ERMP1: variants seen among roughly 807,000 people sequenced by gnomAD.
The protein encoded by ERMP1 is endoplasmic reticulum metallopeptidase 1, also known as Felix-ina.
In ERMP1, 86 loss-of-function variants were observed where a neutral mutation model predicts 92.0. The ratio of observed to expected loss-of-function variants is 0.93; its 90% CI spans 0.79 to 1.12. ERMP1 has a LOEUF of 1.12. ERMP1 is among the 50% of genes most tolerant of loss of function. ERMP1 has a pLI of 0.00. For missense variants in ERMP1, 1,342 were observed against 1,116.3 expected (o/e 1.20, Z -2.88); for synonymous variants, 530 against 412.8 (o/e 1.28, Z -3.44).
chr9:5,798,736 G>T, intron 12 of ERMP1, 70 bp downstream of exon 12: 1 of 933,028 alleles, frequency 1.1e-6, no homozygotes, highest in Non-Finnish European at 1.7e-6. Context: ...CAGTTTAAAT[G>T]ATAAGAGTAC....
Position 5,860,349 on chromosome 9 carries a change from T to C in ERMP1, n.3056-738A>G, listed in dbSNP as rs929744618. ...ATTTATAACTGGGATAAATGCACTG[T>C]CAGTATTTTAGGGATGAAGTTTACT... On this transcript the variant is annotated intron_variant and non_coding_transcript_variant, in intron 5 of 6. Transcript: ENST00000690753. 5.3e-5 allele frequency among the ~76,000 whole-genome samples: 8 copies of C among 151,650 alleles called. 1 individual carries two copies. Among genetic ancestry groups the C allele is most frequent in the African/African-American group, 1.9e-4 (8 of 41,276 alleles).
intron 5 of ERMP1, among the ~76,000 whole-genome samples, chr9:5,863,882 T>C (rs151010367): frequency 6.6e-6 from 1 of 152,362 alleles, no homozygotes; most frequent in East Asian, 1.9e-4. Context: ...AATAAATATT[T>C]ACCTATATCA....
At chr9:5,847,793 G>T (rs950080031) in intron 6 of ERMP1, among the ~76,000 whole-genome samples, 1 of 151,852 alleles carries the variant, frequency 6.6e-6, no homozygotes, top group Non-Finnish European at 1.5e-5. Flanking sequence ...TACTCGGGAG[G>T]CTGAGGCAGG....
At chr9:5,823,558 G>A (rs1218932048) in intron 4 of ERMP1, among the ~76,000 whole-genome samples, 2 of 152,128 alleles carry the variant, frequency 1.3e-5, no homozygotes, top group Non-Finnish European at 2.9e-5. Flanking sequence ...TTAAACAACT[G>A]TGAAACCTTA....
At chr9:5,827,348 T>C (rs1008900849) in intron 2 of ERMP1, among the ~76,000 whole-genome samples, 7 of 152,026 alleles carry the variant, frequency 4.6e-5, no homozygotes, top group Non-Finnish European at 1.0e-4. Context: ...TAACAATCAC[T>C]GATGAGCTAA....
intron 6 of ERMP1, among the ~76,000 whole-genome samples, chr9:5,811,862 C>G (rs1252161723): frequency 1.3e-5 from 2 of 151,854 alleles, no homozygotes; most frequent in Non-Finnish European, 1.5e-5. Context: ...ACTAACAGAG[C>G]TACATTCTTA....
At chr9:5,851,104 C>A (rs12375947) in intron 6 of ERMP1, among the ~76,000 whole-genome samples, 11 of 152,194 alleles carry the variant, frequency 7.2e-5, no homozygotes, top group Non-Finnish European at 1.5e-4. Context: ...TTAGGCCCAA[C>A]ATCTCTATGC....
intron 6 of ERMP1, among the ~76,000 whole-genome samples, chr9:5,840,164 C>T (rs1372413268): frequency 6.6e-6 from 1 of 152,120 alleles, no homozygotes; most frequent in East Asian, 1.9e-4. Flanking sequence ...ATCACTCGAA[C>T]CTGGGAAGCT....
chr9:5,861,726 T>TTG lies in ERMP1; in HGVS notation n.3056-2116_3056-2115insCA, dbSNP rs1380597659. On this transcript the variant is annotated intron_variant and non_coding_transcript_variant, in intron 5 of 6. Transcript: ENST00000690753. ...AGAGAAGAGAGGAAGGGTTTTTTTT[T>TTG]TTTTTTTTTTTTTTTGGTCTGCCCA... 1.2e-3 allele frequency among the ~76,000 whole-genome samples: 176 copies of TTG among 143,820 alleles called. 1 individual carries two copies. Among genetic ancestry groups the TTG allele is most frequent in the South Asian group, 4.5e-3 (19 of 4,254 alleles). 94.4% of individuals were successfully genotyped at this position (143,820 alleles called of 152,430 possible). A position where few individuals can be genotyped will look rare whatever the true frequency, so the allele number is the denominator to read the frequency against.
intron 2 of ERMP1, among the ~76,000 whole-genome samples, chr9:5,828,557 C>T (rs745430377): frequency 6.6e-6 from 1 of 152,204 alleles, no homozygotes; most frequent in Non-Finnish European, 1.5e-5. Context: ...CCCCTCGAGA[C>T]TCAAGGTCCT....
chr9:5,820,185 G>C (rs1829476915), intron 4 of ERMP1, among the ~76,000 whole-genome samples: 1 of 152,230 alleles, frequency 6.6e-6, no homozygotes, highest in Non-Finnish European at 1.5e-5. Context: ...TGTAATCCCA[G>C]CTACATGGCA....
intron 6 of ERMP1, among the ~76,000 whole-genome samples, chr9:5,851,126 C>G (rs1326057733): frequency 3.9e-5 from 6 of 152,236 alleles, no homozygotes; most frequent in Non-Finnish European, 2.9e-5. Context: ...GTGCTGGTAT[C>G]AAGCAAAGCC....
chr9:5,814,356 T>C (rs568923627), intron 4 of ERMP1, among the ~76,000 whole-genome samples: 1 of 152,206 alleles, frequency 6.6e-6, no homozygotes. Context: ...ACATATTGAC[T>C]GATGTAAACA....
Position 5,832,915 on chromosome 9 carries a change from G to A in ERMP1, c.113C>T (p.Pro38Leu). ...PPEREARAQE[P>L]LVDGCSGGGR... ...GCCGCCGCTGCACCCATCCACCAGA[G>A]GCTCCTGCGCTCGGGCCTCCCTCTC... is the stretch of plus-strand genomic sequence containing the variant. The change falls in exon 1 of 15, where the codon CCT (proline) becomes CTT (leucine). Residue 38 changes from proline (P) to leucine (L), a missense_variant. Physicochemically the swap from Pro to Leu is moderately conservative, Grantham distance 98. Coordinates refer to ENST00000339450, the MANE Select transcript of ERMP1 (RefSeq NM_024896.3). 3.2e-6 allele frequency: 5 copies of A among 1,561,850 alleles called. No homozygotes were observed. Among genetic ancestry groups the A allele is most frequent in the Non-Finnish European group, 4.3e-6 (5 of 1,164,844 alleles).
intron 4 of ERMP1, among the ~76,000 whole-genome samples, chr9:5,818,258 T>C (rs1264920503): frequency 1.3e-5 from 2 of 152,008 alleles, no homozygotes; most frequent in East Asian, 1.9e-4. Context: ...AGCTAGCAGG[T>C]TGTGATAAAA....
intron 4 of ERMP1, among the ~76,000 whole-genome samples, chr9:5,815,273 G>C (rs977721164): frequency 6.6e-6 from 1 of 152,102 alleles, no homozygotes; most frequent in Non-Finnish European, 1.5e-5. Flanking sequence ...AGCCTCCTTA[G>C]AGAAATGGCT....
upstream of ERMP1, among the ~76,000 whole-genome samples, chr9:5,835,611 A>AGTG (rs1448670000): frequency 6.6e-6 from 1 of 152,218 alleles, no homozygotes; most frequent in Non-Finnish European, 1.5e-5. Context: ...TAAGGCATGC[A>AGTG]CTAAAGCAGA....
intron 6 of ERMP1, among the ~76,000 whole-genome samples, chr9:5,848,579 T>C (rs757252516): frequency 6.6e-6 from 1 of 152,112 alleles, no homozygotes; most frequent in South Asian, 2.1e-4. Flanking sequence ...CAATAATTCA[T>C]TTACAGGTCA....
chr9:5,801,054 G>C (rs1828650579), intron 11 of ERMP1, 122 bp downstream of exon 11: 3 of 940,146 alleles, frequency 3.2e-6, no homozygotes, highest in Admixed American at 5.3e-5. Flanking sequence ...ACACAAAAAA[G>C]GTGAGTATGA....
Sources: gnomAD v4.1 joint callset for allele counts (sites outside exome capture counted in the v4.1 genomes callset) on GRCh38, gnomAD v4.1.1 for gene constraint, MANE v1.5 for transcripts, NCBI Gene and HGNC (gene_info 2026-07-23, HGNC 2026-07-21) for gene names.